The following TAFA2 variants were observed in gnomAD, a reference collection of about 807,000 sequenced individuals.
TAFA2 encodes the protein TAFA chemokine like family member 2.
Under a neutral mutation model 18.8 loss-of-function variants are expected in TAFA2, and 7 were observed. That is an observed-to-expected ratio of 0.37 (90% CI 0.21 to 0.70). The LOEUF is 0.70. Among genes scored for constraint, TAFA2 ranks in the 30% least tolerant of loss-of-function variants. The pLI is 0.53. For missense variants in TAFA2, 122 were observed against 158.1 expected, an observed-to-expected ratio of 0.77 and a Z score of 1.23; for synonymous variants, 60 against 54.2, an observed-to-expected ratio of 1.11 and a Z score of -0.47.
At chr12:61,783,687 G>C (rs926754704) in intron 2 of TAFA2, among the ~76,000 whole-genome samples, 2 of 151,546 alleles carry the variant, frequency 1.3e-5, no homozygotes, top group African/African-American at 2.4e-5. Context: ...ATACAGGTGA[G>C]GCAATGGGTA....
intron 1 of TAFA2, among the ~76,000 whole-genome samples, chr12:61,915,572 G>A (rs1398521401): frequency 6.6e-6 from 1 of 152,216 alleles, no homozygotes; most frequent in Non-Finnish European, 1.5e-5. Flanking sequence ...TCTGAAAGCT[G>A]AAGAACTAGG....
intron 1 of TAFA2, among the ~76,000 whole-genome samples, chr12:61,916,853 T>C (rs771624580): frequency 1.3e-5 from 2 of 152,190 alleles, no homozygotes; most frequent in Non-Finnish European, 2.9e-5. Context: ...TGAAAAATAA[T>C]TAAGGAAGGA....
At chr12:61,804,387 A>G (rs1332845464) in intron 2 of TAFA2, among the ~76,000 whole-genome samples, 3 of 152,030 alleles carry the variant, frequency 2.0e-5, no homozygotes, top group Non-Finnish European at 4.4e-5. Context: ...CTTTCTCAGC[A>G]ATTCAAATTC....
intron 4 of TAFA2, among the ~76,000 whole-genome samples, chr12:61,744,974 TA>T (rs747728027): frequency 7.9e-5 from 12 of 152,100 alleles, no homozygotes; most frequent in Admixed American, 6.6e-5. Flanking sequence ...CAAATCTCTT[TA>T]AAACTTAACA....
At chr12:62,088,545 T>C (rs10877789) in intron 1 of TAFA2, among the ~76,000 whole-genome samples, 27,707 of 148,462 alleles carry the variant, frequency 0.19, 2,828 homozygotes, top group East Asian at 0.4. Flanking sequence ...CCAGGGAAGA[T>C]TTTATGCTAC....
At chr12:62,146,436 C>T (rs1243468204) in intron 1 of TAFA2, among the ~76,000 whole-genome samples, 2 of 152,104 alleles carry the variant, frequency 1.3e-5, no homozygotes, top group East Asian at 1.9e-4. Flanking sequence ...GGCATGCCAC[C>T]ACAACCAGCT....
chr12:61,789,801 A>C (rs1276813378), intron 2 of TAFA2, among the ~76,000 whole-genome samples: 1 of 151,866 alleles, frequency 6.6e-6, no homozygotes, highest in African/African-American at 2.4e-5. Context: ...TAAGGAAGTA[A>C]TACCAACTCA....
chr12:61,885,892 G>GA (rs1875355418), intron 1 of TAFA2, among the ~76,000 whole-genome samples: 1 of 152,058 alleles, frequency 6.6e-6, no homozygotes, highest in Non-Finnish European at 1.5e-5. Context: ...TGGAATAGGA[G>GA]AAAAAATGAT....
At chr12:61,980,849 G>A (rs1034364393) in intron 1 of TAFA2, among the ~76,000 whole-genome samples, 3 of 152,176 alleles carry the variant, frequency 2.0e-5, no homozygotes, top group Admixed American at 2.0e-4. Context: ...TCATGGACAG[G>A]AAGGATCAAT....
intron 1 of TAFA2, among the ~76,000 whole-genome samples, chr12:62,165,804 G>A (rs55864144): frequency 0.26 from 39,363 of 151,886 alleles, 5,455 homozygotes; most frequent in Non-Finnish European, 0.3. Context: ...ACTGATGGCT[G>A]TGTCTTTAGT....
At chr12:62,257,201 T>TGTGTGTGTGTGTGTGTGA (rs1565789942) in intron 1 of TAFA2, among the ~76,000 whole-genome samples, 1 of 115,068 alleles carries the variant, frequency 8.7e-6, no homozygotes, top group Admixed American at 8.9e-5. Context: ...TGTGTGTGTG[T>TGTGTGTGTGTGTGTGTGA]GATTTGCTAA....
At chr12:61,720,745 T>C in intron 4 of TAFA2, 1 of 371,602 alleles carries the variant, frequency 2.7e-6, no homozygotes, top group Middle Eastern at 3.8e-4. Context: ...TCTTTACTTC[T>C]CAATGAAACT....
chr12:61,862,756 C>T (rs1036727930), intron 2 of TAFA2, among the ~76,000 whole-genome samples: 10 of 152,256 alleles, frequency 6.6e-5, no homozygotes, highest in African/African-American at 2.4e-4. Context: ...AGCATCCTTT[C>T]CCTGAATACT....
intron 1 of TAFA2, among the ~76,000 whole-genome samples, chr12:61,997,185 G>GTA (rs1442063584): frequency 6.6e-6 from 1 of 151,208 alleles, no homozygotes; most frequent in Non-Finnish European, 1.5e-5. Flanking sequence ...GTGTGTGTGT[G>GTA]TGTGTGTATA....
intron 2 of TAFA2, among the ~76,000 whole-genome samples, chr12:61,765,854 C>T (rs1221023629): frequency 6.6e-6 from 1 of 152,042 alleles, no homozygotes; most frequent in Non-Finnish European, 1.5e-5. Flanking sequence ...AAAAAGGGAA[C>T]TGGTGATGAG....
intron 1 of TAFA2, among the ~76,000 whole-genome samples, chr12:62,076,300 G>T (rs1238652507): frequency 1.3e-5 from 2 of 152,102 alleles, no homozygotes; most frequent in Non-Finnish European, 2.9e-5. Flanking sequence ...TTGAGAAAAA[G>T]CCTCCAGATT....
intron 4 of TAFA2, among the ~76,000 whole-genome samples, chr12:61,751,471 C>T (rs1481586907): frequency 6.6e-6 from 1 of 151,946 alleles, no homozygotes; most frequent in Non-Finnish European, 1.5e-5. Flanking sequence ...CTTTCTCTCT[C>T]CTCTTATATA....
intron 4 of TAFA2, among the ~76,000 whole-genome samples, chr12:61,746,936 C>T (rs1362909342): frequency 6.6e-6 from 1 of 152,030 alleles, no homozygotes; most frequent in Non-Finnish European, 1.5e-5. Flanking sequence ...AGGCAACCTA[C>T]AAAATGGGAG....
intron 2 of TAFA2, among the ~76,000 whole-genome samples, chr12:61,831,144 G>A (rs1030591419): frequency 2.0e-5 from 3 of 152,016 alleles, no homozygotes; most frequent in African/African-American, 7.2e-5. Flanking sequence ...CTTTGCAGCA[G>A]TGTAAGGATT....
Sources: allele counts gnomAD v4.1 joint callset (sites outside exome capture counted in the v4.1 genomes callset), GRCh38; gene constraint gnomAD v4.1.1; transcripts MANE v1.5; gene names NCBI Gene and HGNC (gene_info 2026-07-23, HGNC 2026-07-21).